Variants in PDK1 observed in about 807,000 individuals in gnomAD.
PDK1 encodes the protein [Pyruvate dehydrogenase (acetyl-transferring)] kinase isozyme 1, mitochondrial.
PDK1 carries 39 observed loss-of-function variants against 54.2 expected under a neutral mutation model. The ratio of observed to expected loss-of-function variants is 0.72; its 90% CI spans 0.56 to 0.94. The LOEUF (loss-of-function observed/expected upper bound fraction) is 0.94, where lower values mean the gene tolerates loss of function less well. PDK1 is among the 40% of genes least tolerant of loss of function. The pLI, the probability that PDK1 is intolerant of heterozygous loss-of-function variation, is 0.00. For synonymous variants in PDK1, 221 were observed against 207.1 expected (o/e 1.07, Z -0.58); for missense variants, 552 against 566.0 (o/e 0.98, Z 0.25).
the PDK1 span, among the ~76,000 whole-genome samples, chr2:172,703,939 A>AT: frequency 1.3e-5 from 2 of 150,466 alleles, no homozygotes; most frequent in Non-Finnish European, 3.0e-5. Flanking sequence ...CACCTGGCTA[A>AT]TTTTTTGTAT....
intron 8 of PDK1, among the ~76,000 whole-genome samples, chr2:172,580,822 T>C (rs1689861984): frequency 6.6e-6 from 1 of 152,194 alleles, no homozygotes; most frequent in Admixed American, 6.5e-5. Context: ...GTTGTAACAT[T>C]GAAGACATTA....
At chr2:172,579,772 TCTTA>T (rs755495416) in intron 8 of PDK1, among the ~76,000 whole-genome samples, 6 of 151,830 alleles carry the variant, frequency 4.0e-5, no homozygotes, top group Non-Finnish European at 7.4e-5. Context: ...GTGGGCCTTT[TCTTA>T]CTTACTGGGC....
the PDK1 span, among the ~76,000 whole-genome samples, chr2:172,676,037 G>A: frequency 6.6e-6 from 1 of 152,050 alleles, no homozygotes; most frequent in Non-Finnish European, 1.5e-5. Context: ...CAGCACATCT[G>A]TTTATATCAT....
At position 172,571,823 on chromosome 2, in the gene PDK1, C is replaced by CGTTTTTTTTTTTTTTTTTTTTT. The variant is rs765005051; in HGVS notation, c.945+999_945+1000insGTTTTTTTTTTTTTTTTTTTTT. On this transcript the variant is annotated intron_variant, in intron 8 of 10. Coordinates refer to ENST00000282077, the MANE Select transcript of PDK1 (RefSeq NM_002610.5). The stretch of plus-strand genomic sequence containing the variant: ...CTCAGAGATTCTTAGTCTTTCTTTA[C>CGTTTTTTTTTTTTTTTTTTTTT]TTTTTTTTTTTTTTTTTTTTTTTTT... Among the ~76,000 whole-genome samples the CGTTTTTTTTTTTTTTTTTTTTT allele has an allele frequency of 4.0e-5, 4 of 99,784 alleles. 1 individual carries two copies. Among genetic ancestry groups the CGTTTTTTTTTTTTTTTTTTTTT allele is most frequent in the African/African-American group, 1.2e-4 (3 of 25,584 alleles). The allele number at this position is 99,784 out of a possible 152,430, so 65.5% of individuals were successfully genotyped here.
chr2:172,559,158 A>G (rs528028855), intron 2 of PDK1, among the ~76,000 whole-genome samples: 2 of 152,284 alleles, frequency 1.3e-5, no homozygotes, highest in South Asian at 4.1e-4. Flanking sequence ...CATGTTGGCC[A>G]GGATGATCTC....
At chr2:172,723,633 C>G in the PDK1 span, 1 of 152,202 alleles carries the variant, frequency 6.6e-6, no homozygotes, top group African/African-American at 2.4e-5. Flanking sequence ...ATGCAATGCT[C>G]AATCCTCCAT....
chr2:172,574,569 A>G (rs1419468067), intron 8 of PDK1, among the ~76,000 whole-genome samples: 4 of 152,226 alleles, frequency 2.6e-5, no homozygotes, highest in Non-Finnish European at 5.9e-5. Context: ...CACTTACAAC[A>G]CAGGGCATCT....
In PDK1 at chr2:172,556,302, G is replaced by T. The variant is rs1005007251; in HGVS notation, c.152G>T (p.Arg51Leu). The change falls in exon 1 of 11, where the codon CGC becomes CTC. Residue 51 changes from arginine to leucine, a missense_variant. Transcript: ENST00000282077. ...GVPGQVDFYA[R>L]FSPSPLSMKQ... ...CCGGGCCAGGTGGACTTCTACGCGCGCTTCTCGCCGTCCCCGCTCTCCATG... is the reference window on the plus strand; with the variant it reads ...CCGGGCCAGGTGGACTTCTACGCGCTCTTCTCGCCGTCCCCGCTCTCCATG... The T allele has an allele frequency of 3.9e-5, 58 of 1,505,882 alleles. No individual in the cohort carries two copies. Among genetic ancestry groups the T allele is most frequent in the Non-Finnish European group, 4.9e-5 (56 of 1,133,468 alleles). 93.3% of individuals were successfully genotyped at this position (1,505,882 alleles called of 1,614,324 possible).
chr2:172,628,791 C>T, the PDK1 span, among the ~76,000 whole-genome samples: 453 of 152,248 alleles, frequency 3.0e-3, 5 homozygotes, highest in Non-Finnish European at 4.4e-3. Flanking sequence ...TCCATTCCCA[C>T]CCACGATAAA....
At chr2:172,632,980 C>CAAAAAA in the PDK1 span, among the ~76,000 whole-genome samples, 1 of 75,468 alleles carries the variant, frequency 1.3e-5, no homozygotes, top group East Asian at 5.0e-4. Context: ...GATTCTGTCT[C>CAAAAAA]AAAAAAAAAA....
At chr2:172,561,407 A>C (rs1304519385) in intron 2 of PDK1, among the ~76,000 whole-genome samples, 1 of 152,238 alleles carries the variant, frequency 6.6e-6, no homozygotes, top group Non-Finnish European at 1.5e-5. Flanking sequence ...AACAGATGGA[A>C]TTACAGGTTT....
At chr2:172,706,848 C>T in the PDK1 span, among the ~76,000 whole-genome samples, 3 of 152,202 alleles carry the variant, frequency 2.0e-5, no homozygotes, top group Admixed American at 6.5e-5. Flanking sequence ...AGGAAAGCCA[C>T]TCCATTACTG....
rs71403320 is a variant in PDK1 at position 172,605,368 on chromosome 2, A to ATTTTTTTTTTTTTTT, written c.*9409_*9423dup. 11 of 96,362 alleles carry ATTTTTTTTTTTTTTT rather than the reference A, an allele frequency of 1.1e-4. No individual in the cohort carries two copies. The highest frequency in any genetic ancestry group is 2.8e-4 in the African/African-American group (7 of 25,346). The allele number at this position is 96,362 out of a possible 1,614,324, so 6.0% of individuals were successfully genotyped here. A position where few individuals can be genotyped will look rare whatever the true frequency, so the allele number is the denominator to read the frequency against. On this transcript the variant is annotated 3_prime_UTR_variant, in exon 11 of 11. Coordinates refer to ENST00000282077, the MANE Select transcript of PDK1 (RefSeq NM_002610.5). The stretch of plus-strand genomic sequence containing the variant: ...CTGTCCAGGTTTGGTCTACACTGTA[A>ATTTTTTTTTTTTTTT]TTTTTTTTTTTTTTTTTTTTTTTTG...
the PDK1 span, among the ~76,000 whole-genome samples, chr2:172,690,689 A>C: frequency 4.7e-5 from 7 of 150,232 alleles, no homozygotes; most frequent in African/African-American, 1.7e-4. Flanking sequence ...GGATGAGTTC[A>C]TGTCCTTTGC....
the PDK1 span, among the ~76,000 whole-genome samples, chr2:172,708,897 C>T: frequency 6.6e-6 from 1 of 152,184 alleles, no homozygotes; most frequent in South Asian, 2.1e-4. Context: ...TCTGTGGCAT[C>T]ATGTTGGTGT....
the PDK1 span, among the ~76,000 whole-genome samples, chr2:172,700,343 C>T: frequency 1.4e-5 from 2 of 143,720 alleles, no homozygotes; most frequent in African/African-American, 2.7e-5. Flanking sequence ...CGGGCAGAGG[C>T]GCCCCCCACC....
chr2:172,556,610 C>T (rs1003500167), intron 1 of PDK1: 1 of 341,926 alleles, frequency 2.9e-6, no homozygotes, highest in South Asian at 9.6e-5. Flanking sequence ...CCTCCCGCCT[C>T]CCGGCGCACG....
the PDK1 span, among the ~76,000 whole-genome samples, chr2:172,668,490 T>C: frequency 1.3e-5 from 2 of 151,662 alleles, no homozygotes; most frequent in Admixed American, 1.3e-4. Flanking sequence ...AATTTTGAAC[T>C]CAAGTGGCCT....
At chr2:172,684,515 TGTAG>T in the PDK1 span, among the ~76,000 whole-genome samples, 36 of 152,138 alleles carry the variant, frequency 2.4e-4, no homozygotes, top group African/African-American at 8.0e-4. Context: ...ATAAAAACTT[TGTAG>T]GTATTTACAA....
Sources: allele counts gnomAD v4.1 joint callset (sites outside exome capture counted in the v4.1 genomes callset), GRCh38; gene constraint gnomAD v4.1.1; transcripts MANE v1.5; gene names NCBI Gene and HGNC (gene_info 2026-07-23, HGNC 2026-07-21).